The following ZNF491 variants were observed in gnomAD, a reference collection of about 807,000 sequenced individuals.
The protein encoded by ZNF491 is zinc finger protein 491.
ZNF491 carries 22 observed loss-of-function variants against 34.7 expected under a neutral mutation model. The ratio of observed to expected loss-of-function variants is 0.63; its 90% confidence interval spans 0.45 to 0.90. The LOEUF (loss-of-function observed/expected upper bound fraction) is 0.90. ZNF491 is among the 40% of genes least tolerant of loss of function. The pLI, the probability that ZNF491 is intolerant of heterozygous loss-of-function variation, is 0.00. For synonymous variants in ZNF491, 148 were observed against 174.3 expected (o/e 0.85, Z 1.19); for missense variants, 559 against 531.7 (o/e 1.05, Z -0.51).
chr19:11,804,463 G>C, intron 1 of ZNF491, 79 bp from the exon 2 acceptor site: 1 of 1,408,216 alleles, frequency 7.1e-7, no homozygotes, highest in Non-Finnish European at 9.3e-7. Flanking sequence ...AGCATCATGA[G>C]AACTTCTTGG....
rs936952668 is a variant in ZNF491 at position 11,807,413 on chromosome 19, G to C, written c.*146G>C. The C allele has an allele frequency of 1.8e-6, 1 of 563,228 alleles. No individual in the cohort carries two copies. The highest frequency in any genetic ancestry group is 3.6e-5 in the Admixed American group (1 of 27,710). The allele number at this position is 563,228 out of a possible 1,614,324, so 34.9% of individuals were successfully genotyped here. ...GCAATAAAATGTAGAGATGGAGTTA[G>C]GTGATGCCACGCTGGGATTCACTGG... On this transcript the variant is annotated 3_prime_UTR_variant, in exon 3 of 3. Transcript: ENST00000323169.
chr19:11,806,888 C>G lies in ZNF491; in HGVS notation c.935C>G (p.Thr312Ser). 1 of 1,607,250 alleles carries G rather than the reference C, an allele frequency of 6.2e-7. No individual in the cohort carries two copies. Among genetic ancestry groups the G allele is most frequent in the East Asian group, 2.2e-5 (1 of 44,612 alleles). Residue 312 changes from threonine to serine, a missense_variant, in exon 3 of 3, where the codon ACT (threonine) becomes AGT (serine). Physicochemically the swap from Thr to Ser is moderately conservative, Grantham distance 58. Coordinates refer to ENST00000323169, the MANE Select transcript of ZNF491 (RefSeq NM_152356.4). Reference sequence around the variant, plus strand: ...TGTGGGAAAGCCTTCACTTGTTCCACTTCGTTTCAATATCATGAAAGGACT... The same window carrying G: ...TGTGGGAAAGCCTTCACTTGTTCCAGTTCGTTTCAATATCATGAAAGGACT... ...KQCGKAFTCSTSFQYHERTHT... is the reference protein window; with the variant it reads ...KQCGKAFTCSSSFQYHERTHT...
rs191922845 is a variant in ZNF491 at position 11,800,375 on chromosome 19, C to G, written c.-134+1648C>G. On this transcript the variant is annotated intron_variant, in intron 1 of 2. Transcript: ENST00000323169. The stretch of plus-strand genomic sequence containing the variant: ...TCCTCACATTCAAAAACACCAACTT[C>G]CCCTCGCCAATTGACATCCTTATCA... Among the ~76,000 whole-genome samples, 6 of 152,294 alleles carry G rather than the reference C, an allele frequency of 3.9e-5. No homozygotes were observed. In the East Asian group the frequency reaches 1.2e-3, roughly 29 times the overall value.
In ZNF491 at chr19:11,803,932, C is replaced by T. The variant is rs547729897; in HGVS notation, c.-133-610C>T. Among the ~76,000 whole-genome samples the T allele has an allele frequency of 2.7e-3, 418 of 152,136 alleles. 7 individuals carry two copies. The highest frequency in any genetic ancestry group is 6.9e-4 in the Non-Finnish European group (47 of 67,978). On this transcript the variant is annotated intron_variant, in intron 1 of 2. Transcript: ENST00000323169. ...GTCTAAGATCAAGGCACGCCAGGCACGGTGGCTTACGCCTGTAATCCCAAC... is the reference window on the plus strand; with the variant it reads ...GTCTAAGATCAAGGCACGCCAGGCATGGTGGCTTACGCCTGTAATCCCAAC...
intron 2 of ZNF491, among the ~76,000 whole-genome samples, chr19:11,805,338 G>A (rs913684774): frequency 2.1e-4 from 32 of 151,268 alleles, no homozygotes; most frequent in African/African-American, 6.6e-4. Flanking sequence ...GAATCCGGGA[G>A]GTGGAGGTTG....
intron 2 of ZNF491, 101 bp from the exon 3 acceptor site, chr19:11,805,846 C>CA: frequency 8.6e-6 from 9 of 1,052,446 alleles, no homozygotes; most frequent in South Asian, 1.8e-5. Context: ...GACTTTGTAC[C>CA]AAAAAAACAA....
rs574916672 is a variant in ZNF491 at position 11,807,516 on chromosome 19, T to G, written c.*249T>G. The G allele has an allele frequency of 2.6e-6, 1 of 383,042 alleles. No individual in the cohort carries two copies. The highest frequency in any genetic ancestry group is 4.1e-5 in the Admixed American group (1 of 24,264). The allele number at this position is 383,042 out of a possible 1,614,324, so 23.7% of individuals were successfully genotyped here. On this transcript the variant is annotated 3_prime_UTR_variant, in exon 3 of 3. Coordinates refer to ENST00000323169, the MANE Select transcript of ZNF491 (RefSeq NM_152356.4). ...CATTTTAGAGCCAGCCAAATTCACA[T>G]GGGCTGTGTGGCCCCCTGATTCTAG...
chr19:11,806,072 G>T lies in ZNF491; in HGVS notation c.119G>T (p.Gly40Val), dbSNP rs1193073855. 2 of 1,613,960 alleles carry T rather than the reference G, an allele frequency of 1.2e-6. No individual in the cohort carries two copies. Among genetic ancestry groups the T allele is most frequent in the Non-Finnish European group, 1.7e-6 (2 of 1,180,022 alleles). Residue 40 changes from glycine (G) to valine (V), a missense_variant, in exon 3 of 3, where the codon GGT becomes GTT. Coordinates refer to ENST00000323169, the MANE Select transcript of ZNF491 (RefSeq NM_152356.4). Reference sequence around the variant, plus strand: ...CCTGGAGTAAAATCATGTGAAAGTGGTACATGTGGAGAAATCTTCATGGGA... The same window carrying T: ...CCTGGAGTAAAATCATGTGAAAGTGTTACATGTGGAGAAATCTTCATGGGA... The part of the protein sequence containing the change: ...TLPGVKSCES[G>V]TCGEIFMGYS...
Position 11,806,397 on chromosome 19 carries a change from C to G in ZNF491, c.444C>G (p.Thr148=). 6.2e-7 allele frequency: 1 copy of G among 1,613,362 alleles called. No individual in the cohort carries two copies. The highest frequency in any genetic ancestry group is 1.1e-5 in the South Asian group (1 of 90,940). ...TGGATTGTCTCAGTTTATACCTTAC[C>G]CATGAACGAACTCACACTGGAGAGA... ...KALDCLSLYL[T]HERTHTGEKR... Residue 148 remains threonine, a synonymous_variant, in exon 3 of 3, where the codon ACC becomes ACG. Transcript: ENST00000323169.
rs1438858293 is a variant in ZNF491 at position 11,807,329 on chromosome 19, T to C, written c.*62T>C. ...ACAGGGTCTCACTATCTTGTCCAGG[T>C]TGGTCTTGAACTCCTGGCCTCAAGC... On this transcript the variant is annotated 3_prime_UTR_variant, in exon 3 of 3. Coordinates refer to ENST00000323169, the MANE Select transcript of ZNF491 (RefSeq NM_152356.4). 2 of 1,330,940 alleles carry C rather than the reference T, an allele frequency of 1.5e-6. No individual in the cohort carries two copies. Among genetic ancestry groups the C allele is most frequent in the Non-Finnish European group, 2.0e-6 (2 of 999,254 alleles). 82.4% of individuals were successfully genotyped at this position (1,330,940 alleles called of 1,614,324 possible). A position where few individuals can be genotyped will look rare whatever the true frequency, so the allele number is the denominator to read the frequency against.
rs1305620584 is a variant in ZNF491 at position 11,804,622 on chromosome 19, T to C, written c.-53T>C. ...TGTTGAATCCTTTCCAGAAGATCTC[T>C]ACAGAGATGTGATGCAGGAAACCTT... On this transcript the variant is annotated 5_prime_UTR_variant, in exon 2 of 3. Coordinates refer to ENST00000323169, the MANE Select transcript of ZNF491 (RefSeq NM_152356.4). 2 of 1,496,170 alleles carry C rather than the reference T, an allele frequency of 1.3e-6. No homozygotes were observed. Among genetic ancestry groups the C allele is most frequent in the Non-Finnish European group, 1.8e-6 (2 of 1,123,208 alleles). 92.7% of individuals were successfully genotyped at this position (1,496,170 alleles called of 1,614,324 possible). A position where few individuals can be genotyped will look rare whatever the true frequency, so the allele number is the denominator to read the frequency against.
intron 1 of ZNF491, 99 bp from the exon 2 acceptor site, chr19:11,804,443 T>C: frequency 7.4e-7 from 1 of 1,346,544 alleles, no homozygotes; most frequent in East Asian, 3.1e-5. Context: ...AATAAATGTT[T>C]GGAGTCCACA....
chr19:11,806,409 T>G lies in ZNF491; in HGVS notation c.456T>G (p.Thr152=). The G allele has an allele frequency of 6.2e-7, 1 of 1,613,422 alleles. No individual in the cohort carries two copies. The highest frequency in any genetic ancestry group is 8.5e-7 in the Non-Finnish European group (1 of 1,179,762). Residue 152 remains threonine, a synonymous_variant, in exon 3 of 3, where the codon ACT becomes ACG. Transcript: ENST00000323169. ...GTTTATACCTTACCCATGAACGAAC[T>G]CACACTGGAGAGAAACGATATGAAT... ...CLSLYLTHER[T]HTGEKRYECK... is the part of the protein sequence containing the mutation.
At chr19:11,800,244 G>A (rs1040464074) in intron 1 of ZNF491, among the ~76,000 whole-genome samples, 1 of 152,140 alleles carries the variant, frequency 6.6e-6, no homozygotes, top group African/African-American at 2.4e-5. Flanking sequence ...GAAGAGGGGG[G>A]CTCTGAGGAG....
Position 11,806,281 on chromosome 19 carries a change from A to C in ZNF491, c.328A>C (p.Lys110Gln). 6.2e-7 allele frequency: 1 copy of C among 1,605,988 alleles called. No homozygotes were observed. The highest frequency in any genetic ancestry group is 1.3e-5 in the African/African-American group (1 of 74,390). Residue 110 changes from lysine (K) to glutamine (Q), a missense_variant, in exon 3 of 3, where the codon AAA becomes CAA. Coordinates refer to ENST00000323169, the MANE Select transcript of ZNF491 (RefSeq NM_152356.4). Reference protein sequence around the residue: ...EKPFDCKECEKSFISPASIRR... With the variant: ...EKPFDCKECEQSFISPASIRR... ...ACCTTTTGATTGTAAGGAATGTGAA[A>C]AATCTTTCATTTCTCCTGCAAGCAT...
rs1242011738 is a variant in ZNF491, at chr19:11,804,590, T to A, written c.-85T>A. The A allele has an allele frequency of 1.3e-6, 2 of 1,543,288 alleles. No individual in the cohort carries two copies. Among genetic ancestry groups the A allele is most frequent in the Non-Finnish European group, 1.7e-6 (2 of 1,148,614 alleles). On this transcript the variant is annotated 5_prime_UTR_variant, in exon 2 of 3. Coordinates refer to ENST00000323169, the MANE Select transcript of ZNF491 (RefSeq NM_152356.4). ...GGCTGTGAACTTCACCCAGGAGGAG[T>A]GGGCCTTGTTGAATCCTTTCCAGAA...
intron 1 of ZNF491, among the ~76,000 whole-genome samples, chr19:11,803,199 T>C (rs1975574444): frequency 6.6e-6 from 1 of 152,128 alleles, no homozygotes; most frequent in Admixed American, 6.5e-5. Flanking sequence ...GCCAGCCTGG[T>C]TTTGAACTCC....
chr19:11,799,814 A>G (rs1352339772), intron 1 of ZNF491, among the ~76,000 whole-genome samples: 1 of 152,016 alleles, frequency 6.6e-6, no homozygotes, highest in Admixed American at 6.6e-5. Context: ...CGTGCCTGTA[A>G]TCCGGCTACT....
intron 1 of ZNF491, among the ~76,000 whole-genome samples, chr19:11,799,950 G>A (rs1016374984): frequency 4.6e-5 from 7 of 151,824 alleles, no homozygotes; most frequent in African/African-American, 1.7e-4. Flanking sequence ...AAATTAGTCA[G>A]GTATGATGGC....
Sources: allele counts gnomAD v4.1 joint callset (sites outside exome capture counted in the v4.1 genomes callset), GRCh38; gene constraint gnomAD v4.1.1; transcripts MANE v1.5; gene names NCBI Gene and HGNC (gene_info 2026-07-23, HGNC 2026-07-21).